Variants in TMEM229B observed in about 807,000 individuals in gnomAD.
The protein encoded by TMEM229B is transmembrane protein 229B, also known as chromosome 14 open reading frame 83.
In TMEM229B, 6 loss-of-function variants were observed where a neutral mutation model predicts 13.7. That is an observed-to-expected ratio of 0.44 (90% CI 0.24 to 0.86). The LOEUF is 0.86. TMEM229B is among the 40% of genes least tolerant of loss of function. The probability of loss-of-function intolerance (pLI) is 0.23; values close to 1 mark genes in which losing one functional copy is unlikely to be tolerated. For missense variants in TMEM229B, 170 were observed against 236.0 expected, an observed-to-expected ratio of 0.72 and a Z score of 1.83; for synonymous variants, 107 against 102.1, an observed-to-expected ratio of 1.05 and a Z score of -0.29.
intron 2 of TMEM229B, among the ~76,000 whole-genome samples, chr14:67,482,576 C>G (rs565057800): frequency 1.3e-5 from 2 of 152,252 alleles, no homozygotes; most frequent in South Asian, 4.1e-4. Flanking sequence ...CACAGCCCTT[C>G]TAGGAGACCC....
intron 1 of TMEM229B, among the ~76,000 whole-genome samples, chr14:67,510,416 C>T (rs76417675): frequency 0.023 from 3,505 of 152,216 alleles, 141 homozygotes; most frequent in East Asian, 0.14. Flanking sequence ...ACCTAGAAAT[C>T]GGGGTATCTG....
At chr14:67,509,889 T>C (rs1406056285) in intron 1 of TMEM229B, among the ~76,000 whole-genome samples, 2 of 152,076 alleles carry the variant, frequency 1.3e-5, no homozygotes, top group African/African-American at 2.4e-5. Flanking sequence ...TGGTGGCACA[T>C]GCCTGTAGTC....
At chr14:67,518,265 A>G (rs1054779602), upstream of TMEM229B, among the ~76,000 whole-genome samples, 5 of 152,212 alleles carry the variant, frequency 3.3e-5, no homozygotes, top group Non-Finnish European at 7.3e-5. Flanking sequence ...TGCTCAAGCA[A>G]ACTTGGTTTT....
At chr14:67,515,492 C>G (rs1015301597), upstream of TMEM229B, 29 of 157,242 alleles carry the variant, frequency 1.8e-4, no homozygotes, top group Non-Finnish European at 3.9e-4. Context: ...GTCTGACAGG[C>G]GCTCGCCCTG....
intron 1 of TMEM229B, among the ~76,000 whole-genome samples, chr14:67,520,933 G>A (rs1234867381): frequency 1.3e-5 from 2 of 152,228 alleles, no homozygotes; most frequent in East Asian, 3.8e-4. Flanking sequence ...ATTCCCACAA[G>A]CAATGAATGG....
At chr14:67,482,657 A>G (rs2031653257) in intron 2 of TMEM229B, among the ~76,000 whole-genome samples, 1 of 152,204 alleles carries the variant, frequency 6.6e-6, no homozygotes, top group Admixed American at 6.5e-5. Flanking sequence ...AGTGGCTTCA[A>G]TGAGGAAAGG....
intron 1 of TMEM229B, among the ~76,000 whole-genome samples, chr14:67,527,997 C>T (rs1280041654): frequency 6.6e-6 from 1 of 152,178 alleles, no homozygotes; most frequent in Non-Finnish European, 1.5e-5. Context: ...CGCTCTCCCT[C>T]TCCTACAGTG....
chr14:67,487,937 C>T (rs562479196), intron 1 of TMEM229B, among the ~76,000 whole-genome samples: 1 of 152,314 alleles, frequency 6.6e-6, no homozygotes, highest in South Asian at 2.1e-4. Flanking sequence ...CATGTACAGC[C>T]ATGTTTTTAC....
chr14:67,490,304 C>T (rs1008287772), upstream of TMEM229B, among the ~76,000 whole-genome samples: 6 of 152,160 alleles, frequency 3.9e-5, no homozygotes, highest in Admixed American at 2.6e-4. Flanking sequence ...GGAGCCATTG[C>T]ACCACCAGAG....
rs1203518480 is a variant in TMEM229B at position 67,487,104 on chromosome 14, A to T, written c.-123T>A. On this transcript the variant is annotated 5_prime_UTR_variant, in exon 2 of 3. The change creates a new upstream start codon in the 5' untranslated region. Coordinates refer to ENST00000554480, the MANE Select transcript of TMEM229B (RefSeq NM_001348543.2). ...CTGGGCCTCAGTGCCATTCTCAGCA[A>T]CGTAGGCAAGCATCAGCCCTAGGGC... is the stretch of plus-strand genomic sequence containing the variant. The T allele has an allele frequency of 6.6e-6, 1 of 152,266 alleles. No homozygotes were observed. Among genetic ancestry groups the T allele is most frequent in the African/African-American group, 2.4e-5 (1 of 41,454 alleles). 9.4% of individuals were successfully genotyped at this position (152,266 alleles called of 1,614,324 possible). A position where few individuals can be genotyped will look rare whatever the true frequency, so the allele number is the denominator to read the frequency against.
Position 67,473,534 on chromosome 14 carries a change from G to C in TMEM229B, c.390C>G (p.Ile130Met), listed in dbSNP as rs779572282. 1 of 1,614,114 alleles carries C rather than the reference G, an allele frequency of 6.2e-7. No individual in the cohort carries two copies. The highest frequency in any genetic ancestry group is 1.7e-5 in the Admixed American group (1 of 60,022). ...YAVPWFCGAL[I>M]MEQFIIRNTL... Reference sequence around the variant, plus strand: ...TGTTGCGGATGATGAACTGCTCCATGATGAGGGCCCCGCAGAACCAGGGCA... The same window carrying C: ...TGTTGCGGATGATGAACTGCTCCATCATGAGGGCCCCGCAGAACCAGGGCA... The change falls in exon 3 of 3, where the codon ATC becomes ATG. Residue 130 changes from isoleucine to methionine, a missense_variant. Ile to Met is a conservative substitution (Grantham distance 10). Transcript: ENST00000554480. This position sits in a 1 kb window ranked among gnomAD's most constrained non-coding sequence, Gnocchi z 6.5.
Position 67,504,886 on chromosome 14 carries a change from C to CAAACA in TMEM229B, c.-192+10195_-192+10199dup, listed in dbSNP as rs796969997. 1.9e-3 allele frequency among the ~76,000 whole-genome samples: 287 copies of CAAACA among 152,084 alleles called. 2 individuals carry two copies. Among genetic ancestry groups the CAAACA allele is most frequent in the African/African-American group, 6.6e-3 (275 of 41,514 alleles). On this transcript the variant is annotated intron_variant, in intron 1 of 2. Transcript: ENST00000357461. The stretch of plus-strand genomic sequence containing the variant: ...GGGCAACAAGAGCGACACTCCGTCT[C>CAAACA]AAACAAAACAAAACAAAAACAAAAA...
intron 1 of TMEM229B, among the ~76,000 whole-genome samples, chr14:67,511,077 GA>G (rs2033008531): frequency 6.6e-6 from 1 of 152,166 alleles, no homozygotes; most frequent in South Asian, 2.1e-4. Context: ...AACTCAGGGT[GA>G]GTGACCTTTC....
At chr14:67,520,822 C>A (rs1463332601) in intron 1 of TMEM229B, among the ~76,000 whole-genome samples, 1 of 152,202 alleles carries the variant, frequency 6.6e-6, no homozygotes, top group Non-Finnish European at 1.5e-5. Context: ...CTCCTTTGGG[C>A]AAATACCAAG....
At chr14:67,512,666 TA>T (rs1264617234) in intron 1 of TMEM229B, among the ~76,000 whole-genome samples, 1 of 152,140 alleles carries the variant, frequency 6.6e-6, no homozygotes, top group Non-Finnish European at 1.5e-5. Flanking sequence ...TGCCTCACTC[TA>T]CTGCCCTTAC....
chr14:67,515,394 A>G (rs2033173827), exon 1 of TMEM229B: 2 of 177,546 alleles, frequency 1.1e-5, no homozygotes, highest in South Asian at 3.1e-4. Context: ...GCTGCCCGGG[A>G]GGAAAGGAGC....
chr14:67,477,797 A>G (rs2031316582), intron 2 of TMEM229B, among the ~76,000 whole-genome samples: 1 of 152,170 alleles, frequency 6.6e-6, no homozygotes, highest in South Asian at 2.1e-4. Context: ...CAAACCCATT[A>G]TCTTTTCCCC....
At chr14:67,507,681 T>G (rs2032876778) in intron 1 of TMEM229B, among the ~76,000 whole-genome samples, 1 of 152,204 alleles carries the variant, frequency 6.6e-6, no homozygotes, top group Non-Finnish European at 1.5e-5. Flanking sequence ...GTGATTCTCC[T>G]GTTTCCATCT....
At chr14:67,515,818 A>G (rs1007690347), upstream of TMEM229B, among the ~76,000 whole-genome samples, 1 of 101,940 alleles carries the variant, frequency 9.8e-6, no homozygotes, top group Non-Finnish European at 2.0e-5. Flanking sequence ...CAGACCCACT[A>G]TGTGCCAGCA....
Sources: allele counts gnomAD v4.1 joint callset (sites outside exome capture counted in the v4.1 genomes callset), GRCh38; gene constraint gnomAD v4.1.1; non-coding constraint Gnocchi (gnomAD v3.1); transcripts MANE v1.5; gene names NCBI Gene and HGNC (gene_info 2026-07-23, HGNC 2026-07-21).